DKK3: variants seen among roughly 807,000 people sequenced by gnomAD.
DKK3 encodes the protein dickkopf-related protein 3.
DKK3 carries 22 observed loss-of-function variants against 33.2 expected under a neutral mutation model. The observed-to-expected ratio is 0.66, with a 90% confidence interval of 0.47 to 0.95. The LOEUF (loss-of-function observed/expected upper bound fraction) is 0.95, where lower values mean the gene tolerates loss of function less well. Ranked by LOEUF, DKK3 falls within the 40% of genes least tolerant of loss-of-function variation. The pLI, the probability that DKK3 is intolerant of heterozygous loss-of-function variation, is 0.00. For missense variants in DKK3, 398 were observed against 458.4 expected (o/e 0.87, Z 1.20); for synonymous variants, 194 against 188.8 (o/e 1.03, Z -0.23).
In DKK3 at chr11:12,000,453, C is replaced by T. The variant is rs552661252; in HGVS notation, c.352-1674G>A. Among the ~76,000 whole-genome samples the T allele has an allele frequency of 4.6e-5, 7 of 151,740 alleles. No homozygotes were observed. The East Asian group carries it at 1.2e-3, about 25-fold the overall frequency. On this transcript the variant is annotated intron_variant, in intron 2 of 6. Transcript: ENST00000683431. Reference sequence around the variant, plus strand: ...AGCTCCTGATCTCAGGTGATCCGCCCGCCTTGGCCTCCCAAAGTGCTGGGA... The same window carrying T: ...AGCTCCTGATCTCAGGTGATCCGCCTGCCTTGGCCTCCCAAAGTGCTGGGA...
At chr11:12,007,024 A>G (rs575260288) in intron 1 of DKK3, among the ~76,000 whole-genome samples, 1 of 152,276 alleles carries the variant, frequency 6.6e-6, no homozygotes, top group Non-Finnish European at 1.5e-5. Context: ...TTGTTTTGCA[A>G]TCACAGGAAA....
At position 12,002,362 on chromosome 11, in the gene DKK3, C is replaced by T; in HGVS notation, c.289G>A (p.Glu97Lys). The change falls in exon 2 of 7, where the codon GAG becomes AAG. Residue 97 changes from glutamate (E) to lysine (K), a missense_variant. Transcript: ENST00000683431. ...CCAACCTTCGTGTCTGTGTTGGTCT[C>T]ATTGTGATAGCTGGGAGGTAAGTTT... is the stretch of plus-strand genomic sequence containing the variant. ...LANLPPSYHN[E>K]TNTDTKVGNN... 6.2e-7 allele frequency: 1 copy of T among 1,614,124 alleles called. No individual in the cohort carries two copies. Among genetic ancestry groups the T allele is most frequent in the Non-Finnish European group, 8.5e-7 (1 of 1,180,026 alleles).
Position 11,964,488 on chromosome 11 carries a change from T to C in DKK3, c.1029A>G (p.Ala343=). 2 of 1,613,164 alleles carry C rather than the reference T, an allele frequency of 1.2e-6. No homozygotes were observed. Among genetic ancestry groups the C allele is most frequent in the Non-Finnish European group, 1.7e-6 (2 of 1,180,024 alleles). The change falls in exon 7 of 7, where the codon GCA becomes GCG. Residue 343 remains alanine (A), a synonymous_variant. Coordinates refer to ENST00000683431, the MANE Select transcript of DKK3 (RefSeq NM_001018057.2). ...ALREPAAAAA[A]LLGGEEI ...TCTAAATCTCTTCCCCTCCCAGCAGTGCAGCGGCGGCAGCCGCAGGCTCCC... is the reference window on the plus strand; with the variant it reads ...TCTAAATCTCTTCCCCTCCCAGCAGCGCAGCGGCGGCAGCCGCAGGCTCCC...
At chr11:11,993,657 A>G (rs754002498) in intron 3 of DKK3, among the ~76,000 whole-genome samples, 1 of 152,212 alleles carries the variant, frequency 6.6e-6, no homozygotes, top group Non-Finnish European at 1.5e-5. Context: ...TTTCTTATAT[A>G]TCTTTTCCTA....
intron 2 of DKK3, chr11:12,001,648 G>C (rs142951747): frequency 1.2e-4 from 18 of 152,408 alleles, no homozygotes; most frequent in African/African-American, 4.1e-4. Flanking sequence ...GGGCAAGCTA[G>C]TGCTATGTTC....
intron 3 of DKK3, among the ~76,000 whole-genome samples, chr11:11,976,580 G>A (rs1211561621): frequency 6.6e-6 from 1 of 152,240 alleles, no homozygotes; most frequent in African/African-American, 2.4e-5. Flanking sequence ...CTCTCTCTGG[G>A]AGTGGTTGGG....
chr11:11,979,528 C>G (rs577819450), intron 3 of DKK3, among the ~76,000 whole-genome samples: 1 of 152,236 alleles, frequency 6.6e-6, no homozygotes, highest in Non-Finnish European at 1.5e-5. Flanking sequence ...ACTCCTAACT[C>G]TACCCTCCTG....
At chr11:12,006,822 A>G (rs998030537) in intron 1 of DKK3, among the ~76,000 whole-genome samples, 6 of 152,196 alleles carry the variant, frequency 3.9e-5, no homozygotes, top group Non-Finnish European at 5.9e-5. Context: ...GCACAAAAAC[A>G]TAGAGGTGAC....
At chr11:11,967,180 A>T (rs1351058092) in intron 4 of DKK3, 82 bp from the exon 5 acceptor site, 4 of 1,521,548 alleles carry the variant, frequency 2.6e-6, no homozygotes, top group Non-Finnish European at 3.6e-6. Flanking sequence ...GATACCACAG[A>T]TAGGCCAACC....
chr11:11,965,701 G>A (rs1324760407), intron 6 of DKK3, 108 bp downstream of exon 6: 6 of 1,380,458 alleles, frequency 4.3e-6, no homozygotes, highest in Non-Finnish European at 5.8e-6. Context: ...CAATCCTAAA[G>A]GGAATCTACA....
At chr11:11,979,232 G>A (rs1021002894) in intron 3 of DKK3, among the ~76,000 whole-genome samples, 7 of 152,204 alleles carry the variant, frequency 4.6e-5, no homozygotes, top group Admixed American at 1.3e-4. Context: ...GAGGCTGGGT[G>A]GGGAAGCCTT....
intron 3 of DKK3, among the ~76,000 whole-genome samples, chr11:11,981,766 C>T (rs914735755): frequency 2.0e-5 from 3 of 152,178 alleles, no homozygotes; most frequent in African/African-American, 4.8e-5. Context: ...CACTTTATAG[C>T]CCCATGACTG....
intron 3 of DKK3, among the ~76,000 whole-genome samples, chr11:11,995,241 G>A (rs182375748): frequency 8.3e-4 from 127 of 152,174 alleles, no homozygotes; most frequent in Non-Finnish European, 1.4e-3. Context: ...CACCAGGCCC[G>A]GCTAATTTTT....
intron 6 of DKK3, among the ~76,000 whole-genome samples, chr11:11,965,099 G>A (rs1307298372): frequency 2.0e-5 from 3 of 152,214 alleles, no homozygotes; most frequent in African/African-American, 7.2e-5. Flanking sequence ...GGAATAGGGA[G>A]GAAGAATTCC....
Position 11,964,239 on chromosome 11 carries a change from T to A in DKK3, c.*225A>T. The A allele has an allele frequency of 1.7e-6, 1 of 594,798 alleles. No individual in the cohort carries two copies. Among genetic ancestry groups the A allele is most frequent in the Non-Finnish European group, 2.9e-6 (1 of 342,360 alleles). 36.8% of individuals were successfully genotyped at this position (594,798 alleles called of 1,614,324 possible). ...CTGGACAGGGGTGGCAAACTGCTCC[T>A]GCAGTTTAACCCTGCCTGACTCTCC... On this transcript the variant is annotated 3_prime_UTR_variant, in exon 7 of 7. Transcript: ENST00000683431.
chr11:11,989,592 G>A (rs1848145757), intron 3 of DKK3, among the ~76,000 whole-genome samples: 1 of 152,210 alleles, frequency 6.6e-6, no homozygotes, highest in East Asian at 1.9e-4. Context: ...TTGCAGGAGG[G>A]GGGCATTGTT....
chr11:11,973,584 G>A (rs1304706015), intron 3 of DKK3, among the ~76,000 whole-genome samples: 1 of 152,228 alleles, frequency 6.6e-6, no homozygotes, highest in Non-Finnish European at 1.5e-5. Context: ...CAGCCCAGAA[G>A]CTGGCCATGG....
chr11:11,986,390 AC>A (rs1314246943), intron 3 of DKK3, among the ~76,000 whole-genome samples: 1 of 152,118 alleles, frequency 6.6e-6, no homozygotes, highest in African/African-American at 2.4e-5. Flanking sequence ...CAAGTCTGAC[AC>A]CCCATCAGTG....
At chr11:11,994,164 C>T (rs894646466) in intron 3 of DKK3, among the ~76,000 whole-genome samples, 3 of 152,158 alleles carry the variant, frequency 2.0e-5, no homozygotes, top group African/African-American at 7.2e-5. Context: ...TCCCCCCAGT[C>T]TCATGCCATT....
Sources: gnomAD v4.1 joint callset for allele counts (sites outside exome capture counted in the v4.1 genomes callset) on GRCh38, gnomAD v4.1.1 for gene constraint, MANE v1.5 for transcripts, NCBI Gene and HGNC (gene_info 2026-07-23, HGNC 2026-07-21) for gene names.